Variants in CACNA2D1 observed in about 807,000 individuals in gnomAD.
CACNA2D1 encodes the protein voltage-dependent calcium channel subunit alpha-2/delta-1.
Under a neutral mutation model 171.5 loss-of-function variants are expected in CACNA2D1, and 53 were observed. The ratio of observed to expected loss-of-function variants is 0.31; its 90% CI spans 0.25 to 0.39. The LOEUF (loss-of-function observed/expected upper bound fraction) is 0.39. Among genes scored for constraint, CACNA2D1 ranks in the 10% least tolerant of loss-of-function variants. The probability of loss-of-function intolerance (pLI) is 1.00; values close to 1 mark genes in which losing one functional copy is unlikely to be tolerated. For synonymous variants in CACNA2D1, 442 were observed against 443.1 expected, an observed-to-expected ratio of 1.00 and a Z score of 0.03; for missense variants, 903 against 1,299.8, an observed-to-expected ratio of 0.69 and a Z score of 4.69.
At chr7:82,287,954 C>G (rs1811029614) in intron 3 of CACNA2D1, among the ~76,000 whole-genome samples, 1 of 151,714 alleles carries the variant, frequency 6.6e-6, no homozygotes, top group Non-Finnish European at 1.5e-5. Context: ...CCTCAGCCTC[C>G]CGAGTAGCTG....
At chr7:82,008,147 T>G (rs1280618230) in intron 15 of CACNA2D1, among the ~76,000 whole-genome samples, 1 of 152,124 alleles carries the variant, frequency 6.6e-6, no homozygotes, top group East Asian at 1.9e-4. Context: ...TTATTTTAAG[T>G]GATTATTTAG....
rs76156172 is a variant in CACNA2D1 at position 82,201,676 on chromosome 7, T to C, written c.295-31067A>G. Among the ~76,000 whole-genome samples the C allele has an allele frequency of 8.9e-3, 1,351 of 152,274 alleles. 11 individuals carry two copies. The highest frequency in any genetic ancestry group is 0.024 in the South Asian group (117 of 4,822). On this transcript the variant is annotated intron_variant, in intron 3 of 38. Transcript: ENST00000356860. ...AACAGAGGCTCCTCAGAGGTTTTGC[T>C]ACCCTTCGCTAGTCCCCACCTCTTC...
chr7:82,361,018 C>G (rs1428989918), intron 1 of CACNA2D1, among the ~76,000 whole-genome samples: 1 of 152,112 alleles, frequency 6.6e-6, no homozygotes, highest in Non-Finnish European at 1.5e-5. Flanking sequence ...AGGAATGAAG[C>G]CTTCAAATAT....
intron 3 of CACNA2D1, among the ~76,000 whole-genome samples, chr7:82,190,048 G>T (rs929365062): frequency 6.6e-6 from 1 of 151,794 alleles, no homozygotes; most frequent in Non-Finnish European, 1.5e-5. Flanking sequence ...AAACAATTCT[G>T]TTATGAAGTT....
chr7:82,259,156 T>C (rs1269424883), intron 3 of CACNA2D1, among the ~76,000 whole-genome samples: 1 of 152,066 alleles, frequency 6.6e-6, no homozygotes, highest in East Asian at 1.9e-4. Flanking sequence ...AAAAATAAAG[T>C]CTTACATCTG....
At chr7:82,134,238 C>A (rs541444166) in intron 5 of CACNA2D1, among the ~76,000 whole-genome samples, 1 of 152,066 alleles carries the variant, frequency 6.6e-6, no homozygotes, top group Non-Finnish European at 1.5e-5. Flanking sequence ...TATTCTTTAT[C>A]CATTTAAGTA....
At chr7:82,010,941 A>G (rs2130915724) in intron 15 of CACNA2D1, among the ~76,000 whole-genome samples, 1 of 152,298 alleles carries the variant, frequency 6.6e-6, no homozygotes, top group Non-Finnish European at 1.5e-5. Flanking sequence ...CTCCAAATAT[A>G]TTATTTTAGT....
At chr7:81,958,977 T>C (rs1302868985) in intron 38 of CACNA2D1, among the ~76,000 whole-genome samples, 5 of 152,008 alleles carry the variant, frequency 3.3e-5, no homozygotes, top group Admixed American at 2.6e-4. Context: ...GATTGGAATA[T>C]AAATGGAGGC....
intron 2 of CACNA2D1, among the ~76,000 whole-genome samples, chr7:82,349,255 G>T (rs750880045): frequency 1.4e-4 from 21 of 152,278 alleles, no homozygotes; most frequent in Non-Finnish European, 2.8e-4. Context: ...TCTGAAGAAT[G>T]GAAACATTAT....
chr7:82,049,126 T>TTAA (rs1554373396), intron 10 of CACNA2D1, among the ~76,000 whole-genome samples: 6 of 139,020 alleles, frequency 4.3e-5, no homozygotes, highest in African/African-American at 1.6e-4. Context: ...TGGCAACTCA[T>TTAA]AAAAAAAAAA....
chr7:82,373,143 T>C (rs190243810), intron 1 of CACNA2D1, among the ~76,000 whole-genome samples: 2 of 152,174 alleles, frequency 1.3e-5, no homozygotes, highest in East Asian at 3.9e-4. Flanking sequence ...AAGATCATGC[T>C]ACTGCACTCC....
chr7:82,424,327 A>C (rs1828988069), intron 1 of CACNA2D1, among the ~76,000 whole-genome samples: 1 of 152,220 alleles, frequency 6.6e-6, no homozygotes, highest in Admixed American at 6.5e-5. Flanking sequence ...CCAGTACATA[A>C]GCAGTATTAA....
At chr7:82,330,491 C>T (rs1817180648) in intron 3 of CACNA2D1, among the ~76,000 whole-genome samples, 1 of 152,026 alleles carries the variant, frequency 6.6e-6, no homozygotes, top group Non-Finnish European at 1.5e-5. Flanking sequence ...TATAAGAAAA[C>T]AACCAGCTAC....
chr7:82,417,022 G>A (rs1440476046), intron 1 of CACNA2D1, among the ~76,000 whole-genome samples: 1 of 152,192 alleles, frequency 6.6e-6, no homozygotes, highest in African/African-American at 2.4e-5. Context: ...GAGGCAAGAA[G>A]TGTTTCTCAG....
intron 3 of CACNA2D1, among the ~76,000 whole-genome samples, chr7:82,179,301 G>A (rs1483835361): frequency 6.6e-6 from 1 of 152,032 alleles, no homozygotes. Flanking sequence ...AGGAATCACT[G>A]TGGAGAAGGG....
intron 3 of CACNA2D1, among the ~76,000 whole-genome samples, chr7:82,197,969 T>C (rs1015097920): frequency 1.3e-5 from 2 of 151,948 alleles, no homozygotes; most frequent in African/African-American, 4.8e-5. Context: ...ATTTTCCACA[T>C]TGAAAAATAC....
chr7:81,997,391 A>G (rs543381465), intron 18 of CACNA2D1, 141 bp from the exon 19 acceptor site: 7 of 442,016 alleles, frequency 1.6e-5, no homozygotes, highest in Non-Finnish European at 2.8e-5. Flanking sequence ...TCTTTCATAT[A>G]TATTTTATAT....
At chr7:82,168,000 T>C (rs1248107250) in intron 4 of CACNA2D1, among the ~76,000 whole-genome samples, 1 of 152,162 alleles carries the variant, frequency 6.6e-6, no homozygotes, top group Non-Finnish European at 1.5e-5. Flanking sequence ...GCACAATGTT[T>C]TTTTAGCAGT....
At chr7:82,240,020 G>A (rs1439149631) in intron 3 of CACNA2D1, among the ~76,000 whole-genome samples, 1 of 152,152 alleles carries the variant, frequency 6.6e-6, no homozygotes, top group Non-Finnish European at 1.5e-5. Context: ...GCTTAGCTAA[G>A]AATTGACATA....
Sources: gnomAD v4.1 joint callset for allele counts (sites outside exome capture counted in the v4.1 genomes callset) on GRCh38, gnomAD v4.1.1 for gene constraint, MANE v1.5 for transcripts, NCBI Gene and HGNC (gene_info 2026-07-23, HGNC 2026-07-21) for gene names.